Variants in KCNT2 observed in about 807,000 individuals in gnomAD.
The protein encoded by KCNT2 is potassium sodium-activated channel subfamily T member 2, also known as potassium channel subfamily T member 2.
In KCNT2, 67 loss-of-function variants were observed where a neutral mutation model predicts 153.8. That is an observed-to-expected ratio of 0.44 (90% CI 0.36 to 0.53). KCNT2 has a LOEUF of 0.53. KCNT2 is among the 20% of genes least tolerant of loss of function. KCNT2 has a pLI of 0.00. For missense variants in KCNT2, 975 were observed against 1,354.8 expected (o/e 0.72, Z 4.40); for synonymous variants, 500 against 458.8 (o/e 1.09, Z -1.15).
intron 26 of KCNT2, among the ~76,000 whole-genome samples, chr1:196,242,608 T>C (rs529093332): frequency 6.6e-6 from 1 of 152,296 alleles, no homozygotes; most frequent in East Asian, 1.9e-4. Flanking sequence ...ATTTATTACA[T>C]GATATTCATT....
At chr1:196,236,485 A>C (rs1654451290) in intron 26 of KCNT2, among the ~76,000 whole-genome samples, 1 of 151,488 alleles carries the variant, frequency 6.6e-6, no homozygotes, top group Admixed American at 6.6e-5. Context: ...GGGAAAAATA[A>C]TATAATTACA....
In KCNT2 at chr1:196,404,156, CT is replaced by C. The variant is rs1671645508; in HGVS notation, c.1186-5486del. ...CCTTGCATTTAGTGAGTTCTCAAAT[CT>C]TGTTGATTATGCCTCTAAAGACTGC... On this transcript the variant is annotated intron_variant, in intron 12 of 27. Coordinates refer to ENST00000294725, the MANE Select transcript of KCNT2 (RefSeq NM_198503.5). 4 of 980,870 alleles carry C rather than the reference CT, an allele frequency of 4.1e-6. No homozygotes were observed. In the South Asian group the frequency reaches 1.4e-4, roughly 35 times the overall value. 60.8% of individuals were successfully genotyped at this position (980,870 alleles called of 1,614,324 possible). A position where few individuals can be genotyped will look rare whatever the true frequency, so the allele number is the denominator to read the frequency against.
intron 1 of KCNT2, among the ~76,000 whole-genome samples, chr1:196,538,572 T>C (rs1400588254): frequency 1.3e-5 from 2 of 152,166 alleles, no homozygotes; most frequent in Admixed American, 1.3e-4. Context: ...TGGCTATGAA[T>C]CAAGCATGAG....
In KCNT2 at chr1:196,343,937, G is replaced by C. The variant is rs370040003; in HGVS notation, c.1404-1709C>G. ...TGGGATTACAGGCACCTGCCACCAT[G>C]CCCAGCTAATTTTTGTATTTTTAGT... On this transcript the variant is annotated intron_variant, in intron 14 of 27. Transcript: ENST00000294725. Among the ~76,000 whole-genome samples, 19 of 152,076 alleles carry C rather than the reference G, an allele frequency of 1.2e-4. No homozygotes were observed. The South Asian group carries it at 3.5e-3, about 28-fold the overall frequency.
intron 1 of KCNT2, among the ~76,000 whole-genome samples, chr1:196,498,359 G>A (rs1680416802): frequency 6.6e-6 from 1 of 152,096 alleles, no homozygotes; most frequent in South Asian, 2.1e-4. Flanking sequence ...AAATCTTACA[G>A]TAGACATAGA....
intron 27 of KCNT2, among the ~76,000 whole-genome samples, chr1:196,234,141 C>G (rs1450950797): frequency 6.6e-6 from 1 of 151,210 alleles, no homozygotes; most frequent in African/African-American, 2.4e-5. Context: ...ATATTTTATG[C>G]ATGTATCAAA....
chr1:196,296,242 T>C (rs545614865), intron 22 of KCNT2, among the ~76,000 whole-genome samples: 57 of 151,892 alleles, frequency 3.8e-4, no homozygotes, highest in Admixed American at 2.4e-3. Context: ...TTGAAAAATA[T>C]TACATAAATA....
chr1:196,293,958 T>C (rs1333589823), intron 22 of KCNT2, among the ~76,000 whole-genome samples: 1 of 150,716 alleles, frequency 6.6e-6, no homozygotes, highest in Non-Finnish European at 1.5e-5. Flanking sequence ...ATACATTTGA[T>C]AGGGGGCTCA....
At chr1:196,462,011 A>C (rs1364206470) in intron 8 of KCNT2, among the ~76,000 whole-genome samples, 1 of 151,756 alleles carries the variant, frequency 6.6e-6, no homozygotes, top group Non-Finnish European at 1.5e-5. Context: ...GGCTCAAATT[A>C]CAATGTACAT....
chr1:196,455,159 C>T (rs1034345858), intron 8 of KCNT2, among the ~76,000 whole-genome samples: 4 of 151,900 alleles, frequency 2.6e-5, no homozygotes, highest in African/African-American at 9.7e-5. Context: ...TGACGCCAGC[C>T]CCACAGTTTT....
At position 196,258,284 on chromosome 1, in the gene KCNT2, G is replaced by C; in HGVS notation, c.3121C>G (p.Leu1041Val). Residue 1041 changes from leucine to valine, a missense_variant, in exon 26 of 28, where the codon CTG becomes GTG. This residue lies in a region of KCNT2 where 241 missense variants were observed against 271.1 expected (regional missense o/e 0.89). Coordinates refer to ENST00000294725, the MANE Select transcript of KCNT2 (RefSeq NM_198503.5). ...KTAEKITQQR[L>V]NLYRRSERQE... ...CTTTCTGACCTCCTGTAGAGGTTCAGTCGCTGCTGGGTTATTTTTTCAGCT... is the reference window on the plus strand; with the variant it reads ...CTTTCTGACCTCCTGTAGAGGTTCACTCGCTGCTGGGTTATTTTTTCAGCT... 6.2e-7 allele frequency: 1 copy of C among 1,614,066 alleles called. No individual in the cohort carries two copies. The highest frequency in any genetic ancestry group is 1.1e-5 in the South Asian group (1 of 91,086).
At chr1:196,372,101 TA>T (rs1354512670) in intron 14 of KCNT2, among the ~76,000 whole-genome samples, 1 of 152,054 alleles carries the variant, frequency 6.6e-6, no homozygotes, top group Non-Finnish European at 1.5e-5. Flanking sequence ...TTGCACAGAT[TA>T]AAGGCTTGTA....
chr1:196,560,627 G>A (rs1659252776), intron 1 of KCNT2, among the ~76,000 whole-genome samples: 1 of 151,848 alleles, frequency 6.6e-6, no homozygotes, highest in Non-Finnish European at 1.5e-5. Context: ...TGGGAAAACA[G>A]GAGCCTAACT....
chr1:196,545,830 T>C (rs1322367698), intron 1 of KCNT2, among the ~76,000 whole-genome samples: 1 of 151,928 alleles, frequency 6.6e-6, no homozygotes, highest in Non-Finnish European at 1.5e-5. Flanking sequence ...TTTTTATGTC[T>C]GACTCTTCTC....
chr1:196,324,759 G>A (rs1324312020), intron 19 of KCNT2, among the ~76,000 whole-genome samples: 3 of 152,016 alleles, frequency 2.0e-5, no homozygotes, highest in Non-Finnish European at 4.4e-5. Context: ...CTAACCAGTT[G>A]TCAGTAATTA....
At chr1:196,423,148 C>T in intron 11 of KCNT2, 35 bp from the exon 12 acceptor site, 1 of 1,345,910 alleles carries the variant, frequency 7.4e-7, no homozygotes, top group East Asian at 2.4e-5. Context: ...TAATCACACA[C>T]TGAAATATCT....
At chr1:196,322,235 T>G (rs16839785) in intron 19 of KCNT2, among the ~76,000 whole-genome samples, 16,232 of 151,886 alleles carry the variant, frequency 0.11, 1,238 homozygotes, top group African/African-American at 0.22. Flanking sequence ...TTTAACTACA[T>G]AGCTCATTAC....
intron 21 of KCNT2, among the ~76,000 whole-genome samples, chr1:196,310,789 A>T (rs979734365): frequency 1.3e-5 from 2 of 151,828 alleles, no homozygotes; most frequent in Non-Finnish European, 1.5e-5. Context: ...AATTCTCTAC[A>T]TTGTACCTGC....
intron 2 of KCNT2, among the ~76,000 whole-genome samples, chr1:196,491,647 G>A (rs1351328778): frequency 6.6e-6 from 1 of 151,980 alleles, no homozygotes; most frequent in Non-Finnish European, 1.5e-5. Context: ...ATAGGCTCAG[G>A]AGGACAGTTA....
Sources: gnomAD v4.1 joint callset for allele counts (sites outside exome capture counted in the v4.1 genomes callset) on GRCh38, gnomAD v4.1.1 for gene constraint, gnomAD v4.1.1 regional missense constraint, MANE v1.5 for transcripts, NCBI Gene and HGNC (gene_info 2026-07-23, HGNC 2026-07-21) for gene names.